Variants in RFX2 observed in about 807,000 individuals in gnomAD.
RFX2 encodes the protein DNA-binding protein RFX2.
RFX2 carries 20 observed loss-of-function variants against 87.8 expected under a neutral mutation model. The observed-to-expected ratio is 0.23, with a 90% CI of 0.16 to 0.33. The LOEUF (loss-of-function observed/expected upper bound fraction) is 0.33. RFX2 is among the 10% of genes least tolerant of loss of function. The pLI is 1.00. For synonymous variants in RFX2, 397 were observed against 431.3 expected (o/e 0.92, Z 0.98); for missense variants, 767 against 1,012.3 (o/e 0.76, Z 3.29).
chr19:6,076,412 G>A (rs908389829), intron 1 of RFX2, among the ~76,000 whole-genome samples: 1 of 152,158 alleles, frequency 6.6e-6, no homozygotes, highest in Admixed American at 6.5e-5. Context: ...ACCTTACGGT[G>A]CATCCTAGCT....
chr19:6,004,149 T>G lies in RFX2; in HGVS notation c.1500+52A>C, dbSNP rs976251416. 2.2e-6 allele frequency: 3 copies of G among 1,361,686 alleles called. No individual in the cohort carries two copies. The highest frequency in any genetic ancestry group is 3.2e-6 in the Non-Finnish European group (3 of 950,292). The allele number at this position is 1,361,686 out of a possible 1,614,324, so 84.4% of individuals were successfully genotyped here. ...CAGTGGTCCTCATGCTGTCCTGGAC[T>G]GGAGCCCCTCCCAGCCATCGTTGGG... On this transcript the variant is annotated intron_variant, in intron 13 of 17. Transcript: ENST00000303657. This position sits in a 1 kb window ranked among gnomAD's most constrained non-coding sequence, Gnocchi z 4.8.
At chr19:6,099,841 G>A (rs146851226) in intron 1 of RFX2, among the ~76,000 whole-genome samples, 3 of 152,300 alleles carry the variant, frequency 2.0e-5, no homozygotes, top group East Asian at 3.9e-4. Flanking sequence ...AGGCAATTCT[G>A]TTCACCCTCA....
In RFX2 at chr19:6,083,345, T is replaced by A. The variant is rs1238088864; in HGVS notation, c.-9+27048A>T. 6.6e-6 allele frequency among the ~76,000 whole-genome samples: 1 copy of A among 152,234 alleles called. No individual in the cohort carries two copies. The highest frequency in any genetic ancestry group is 1.5e-5 in the Non-Finnish European group (1 of 68,046). On this transcript the variant is annotated intron_variant, in intron 1 of 17. Coordinates refer to ENST00000303657, the MANE Select transcript of RFX2 (RefSeq NM_000635.4). This position sits in a 1 kb window ranked among gnomAD's most constrained non-coding sequence, Gnocchi z 4.6. The stretch of plus-strand genomic sequence containing the variant: ...AGGCGAGGGCCTCACTGCCTCATGC[T>A]AGTTCTGACCCTGGTGCTGGTGCTG...
chr19:6,042,496 G>GTT lies in RFX2; in HGVS notation c.181-375_181-374dup, dbSNP rs141155152. ...GCTCACAGGACTGTCCCTGGTTTCT[G>GTT]TTTTTTTTTTTTGTTTGTTTGTTTG... is the stretch of plus-strand genomic sequence containing the variant. On this transcript the variant is annotated intron_variant, in intron 3 of 17. Transcript: ENST00000303657. Among the ~76,000 whole-genome samples, 375 of 146,930 alleles carry GTT rather than the reference G, an allele frequency of 2.6e-3. 1 individual carries two copies. The highest frequency in any genetic ancestry group is 3.9e-3 in the Non-Finnish European group (259 of 65,784).
intron 1 of RFX2, among the ~76,000 whole-genome samples, chr19:6,102,792 G>A (rs911655987): frequency 3.3e-5 from 5 of 152,126 alleles, no homozygotes; most frequent in Admixed American, 2.0e-4. Context: ...TTGCTTTTTT[G>A]TCTCTACTGT....
chr19:6,004,051 A>C lies in RFX2; in HGVS notation c.1500+150T>G, dbSNP rs1002626502. ...CTGCCAGCACTGACGCGTCACCGGC[A>C]GTGTGCTCAGGGCTTCCTGAAGGGA... On this transcript the variant is annotated intron_variant, in intron 13 of 17. Coordinates refer to ENST00000303657, the MANE Select transcript of RFX2 (RefSeq NM_000635.4). The surrounding 1 kb of genome is among the most constrained non-coding windows in gnomAD (Gnocchi z 4.8). 1 of 654,984 alleles carries C rather than the reference A, an allele frequency of 1.5e-6. No individual in the cohort carries two copies. Among genetic ancestry groups the C allele is most frequent in the Non-Finnish European group, 2.8e-6 (1 of 360,792 alleles). 40.6% of individuals were successfully genotyped at this position (654,984 alleles called of 1,614,324 possible).
In RFX2 at chr19:6,026,949, G is replaced by A. The variant is rs992288326; in HGVS notation, c.523-712C>T. On this transcript the variant is annotated intron_variant, in intron 5 of 17. Coordinates refer to ENST00000303657, the MANE Select transcript of RFX2 (RefSeq NM_000635.4). The surrounding 1 kb of genome is among the most constrained non-coding windows in gnomAD (Gnocchi z 4.5). Reference sequence around the variant, plus strand: ...GAGTTGGATCCTGAAGGACCTGATGGAGGTGGGGAGGGAGGTGGGCGGCAG... The same window carrying A: ...GAGTTGGATCCTGAAGGACCTGATGAAGGTGGGGAGGGAGGTGGGCGGCAG... Among the ~76,000 whole-genome samples the A allele has an allele frequency of 1.3e-5, 2 of 152,226 alleles. No homozygotes were observed. Among genetic ancestry groups the A allele is most frequent in the South Asian group, 4.1e-4 (2 of 4,834 alleles).
intron 1 of RFX2, among the ~76,000 whole-genome samples, chr19:6,108,698 G>T (rs561490240): frequency 6.6e-6 from 1 of 152,326 alleles, no homozygotes; most frequent in Non-Finnish European, 1.5e-5. Flanking sequence ...AAGTAGGAAT[G>T]AAGCCTGGGG....
chr19:6,000,515 A>C (rs1384329871), intron 15 of RFX2, among the ~76,000 whole-genome samples: 1 of 152,200 alleles, frequency 6.6e-6, no homozygotes, highest in East Asian at 1.9e-4. Context: ...GTGTTGTGGG[A>C]GGGACCTGGT....
chr19:6,047,285 G>T lies in RFX2; in HGVS notation c.90+122C>A. On this transcript the variant is annotated intron_variant, in intron 2 of 17. Transcript: ENST00000303657. This position sits in a 1 kb window ranked among gnomAD's most constrained non-coding sequence, Gnocchi z 4.2. ...CCTATTTCAACAGCAGCAGCACTGGGACTGAGAAGTCCATTCAGAAAAATA... is the reference window on the plus strand; with the variant it reads ...CCTATTTCAACAGCAGCAGCACTGGTACTGAGAAGTCCATTCAGAAAAATA... 1 of 746,198 alleles carries T rather than the reference G, an allele frequency of 1.3e-6. No homozygotes were observed. The highest frequency in any genetic ancestry group is 2.1e-6 in the Non-Finnish European group (1 of 469,078). The allele number at this position is 746,198 out of a possible 1,614,324, so 46.2% of individuals were successfully genotyped here.
intron 7 of RFX2, among the ~76,000 whole-genome samples, chr19:6,014,269 T>C (rs1424084674): frequency 1.3e-5 from 2 of 152,300 alleles, no homozygotes; most frequent in East Asian, 1.9e-4. Context: ...AGTCTCACTC[T>C]GTTGCCCAGG....
intron 1 of RFX2, chr19:6,078,123 C>A (rs2087721594): frequency 6.6e-6 from 1 of 151,870 alleles, no homozygotes; most frequent in Non-Finnish European, 1.5e-5. Context: ...ATGAAAGGTT[C>A]AAAACAGGCA....
chr19:6,066,795 A>C (rs2087519385), intron 1 of RFX2, among the ~76,000 whole-genome samples: 2 of 152,210 alleles, frequency 1.3e-5, no homozygotes, highest in African/African-American at 4.8e-5. Flanking sequence ...TTGTTTGCTA[A>C]GTAACAACGG....
At chr19:6,000,262 G>T (rs980741403) in intron 15 of RFX2, among the ~76,000 whole-genome samples, 5 of 152,244 alleles carry the variant, frequency 3.3e-5, no homozygotes, top group African/African-American at 1.2e-4. Context: ...GGGGATTACA[G>T]GCATGAGCCA....
chr19:6,068,027 T>C (rs1261277155), intron 1 of RFX2: 1 of 152,140 alleles, frequency 6.6e-6, no homozygotes, highest in African/African-American at 2.4e-5. Context: ...TTTGAATCTG[T>C]GTTGCAGGGA....
intron 5 of RFX2, among the ~76,000 whole-genome samples, chr19:6,033,026 C>T (rs1021046189): frequency 2.0e-5 from 3 of 152,124 alleles, no homozygotes; most frequent in Non-Finnish European, 4.4e-5. Context: ...TGGGCTGAAG[C>T]AGTCCCACTT....
chr19:6,088,308 C>G (rs565592446), intron 1 of RFX2, among the ~76,000 whole-genome samples: 20 of 151,508 alleles, frequency 1.3e-4, no homozygotes, highest in African/African-American at 4.9e-4. Flanking sequence ...CAACCTCCGC[C>G]TCCCGCGATT....
intron 1 of RFX2, among the ~76,000 whole-genome samples, chr19:6,049,621 T>C (rs1211042776): frequency 2.0e-5 from 3 of 152,218 alleles, no homozygotes; most frequent in African/African-American, 4.8e-5. Context: ...CTCTGCCTCC[T>C]GGGTTCAAGT....
intron 1 of RFX2, among the ~76,000 whole-genome samples, chr19:6,052,076 C>T (rs2087272593): frequency 6.6e-6 from 1 of 152,056 alleles, no homozygotes; most frequent in African/African-American, 2.4e-5. Flanking sequence ...CGGGGTTTCA[C>T]CTTGTTAGCC....
Sources: gnomAD v4.1 joint callset for allele counts (sites outside exome capture counted in the v4.1 genomes callset) on GRCh38, gnomAD v4.1.1 for gene constraint, Gnocchi (gnomAD v3.1) non-coding constraint, MANE v1.5 for transcripts, NCBI Gene and HGNC (gene_info 2026-07-23, HGNC 2026-07-21) for gene names.